FHIT: variants seen among roughly 807,000 people sequenced by gnomAD.
FHIT encodes the protein bis(5'-adenosyl)-triphosphatase.
In FHIT, 19 loss-of-function variants were observed where a neutral mutation model predicts 17.9. The observed-to-expected ratio is 1.06, with a 90% CI of 0.74 to 1.56. The LOEUF is 1.56. Among genes scored for constraint, FHIT ranks in the 40% most tolerant of loss-of-function variants. FHIT has a pLI of 0.00. For missense variants in FHIT, 248 were observed against 189.2 expected, an observed-to-expected ratio of 1.31 and a Z score of -1.82; for synonymous variants, 81 against 69.7, an observed-to-expected ratio of 1.16 and a Z score of -0.81.
At chr3:60,995,314 T>C (rs1281747258) in intron 3 of FHIT, among the ~76,000 whole-genome samples, 2 of 151,130 alleles carry the variant, frequency 1.3e-5, no homozygotes, top group Non-Finnish European at 1.5e-5. Context: ...AGCGAGACTC[T>C]GTCTCAAAAT....
intron 7 of FHIT, among the ~76,000 whole-genome samples, chr3:59,953,072 G>T (rs181602902): frequency 2.6e-5 from 4 of 151,926 alleles, no homozygotes; most frequent in Admixed American, 2.0e-4. Context: ...GTCCCCTAGC[G>T]TATGTTGTGT....
intron 1 of FHIT, among the ~76,000 whole-genome samples, chr3:61,219,881 T>C (rs1448789051): frequency 1.3e-5 from 2 of 152,294 alleles, no homozygotes; most frequent in South Asian, 2.1e-4. Context: ...TTCCGAAATA[T>C]AGAAACCTGC....
chr3:60,891,893 A>G (rs1553760789), intron 3 of FHIT, among the ~76,000 whole-genome samples: 1 of 152,214 alleles, frequency 6.6e-6, no homozygotes, highest in Non-Finnish European at 1.5e-5. Flanking sequence ...GGAAACTAAG[A>G]CATTAATGAG....
chr3:61,115,795 T>C lies in FHIT; in HGVS notation c.-163-73696A>G, dbSNP rs184291540. 1.5e-3 allele frequency among the ~76,000 whole-genome samples: 233 copies of C among 152,194 alleles called. 4 individuals are homozygous for C. In the South Asian group the frequency reaches 0.02, roughly 13 times the overall value. On this transcript the variant is annotated intron_variant, in intron 2 of 9. Coordinates refer to ENST00000492590, the MANE Select transcript of FHIT (RefSeq NM_002012.4). ...GGCCATTGCAGCTTGTAGGAAAGTATAGGGCCTGGGAAGAAGAGTATTGAA... is the reference window on the plus strand; with the variant it reads ...GGCCATTGCAGCTTGTAGGAAAGTACAGGGCCTGGGAAGAAGAGTATTGAA...
chr3:60,409,418 T>C (rs2107219712), intron 5 of FHIT, among the ~76,000 whole-genome samples: 1 of 152,342 alleles, frequency 6.6e-6, no homozygotes, highest in Non-Finnish European at 1.5e-5. Context: ...TAGGCATCAT[T>C]TGGTTTACCA....
At chr3:60,726,163 C>T (rs1326651013) in intron 4 of FHIT, among the ~76,000 whole-genome samples, 8 of 152,092 alleles carry the variant, frequency 5.3e-5, no homozygotes, top group Admixed American at 5.2e-4. Context: ...ATTGGTCTCC[C>T]CTTCTAACTC....
Position 60,715,930 on chromosome 3 carries a change from C to A in FHIT, c.-18+105989G>T, listed in dbSNP as rs1159851683. Among the ~76,000 whole-genome samples the A allele has an allele frequency of 3.3e-5, 5 of 152,064 alleles. No individual in the cohort carries two copies. The South Asian group carries it at 8.3e-4, about 25-fold the overall frequency. On this transcript the variant is annotated intron_variant, in intron 4 of 9. Coordinates refer to ENST00000492590, the MANE Select transcript of FHIT (RefSeq NM_002012.4). Reference sequence around the variant, plus strand: ...GGATCACCAGGAGTCTGTGAAGCACCCTTTGAGCATTGTGGTTCTAGATTC... The same window carrying A: ...GGATCACCAGGAGTCTGTGAAGCACACTTTGAGCATTGTGGTTCTAGATTC...
chr3:60,927,914 T>C (rs1428536731), intron 3 of FHIT, among the ~76,000 whole-genome samples: 1 of 152,244 alleles, frequency 6.6e-6, no homozygotes, highest in Non-Finnish European at 1.5e-5. Context: ...TGTTACTGTG[T>C]CTGTGTAGAA....
chr3:61,036,942 C>T (rs988801892), intron 3 of FHIT, among the ~76,000 whole-genome samples: 7 of 138,948 alleles, frequency 5.0e-5, no homozygotes, highest in South Asian at 4.7e-4. Flanking sequence ...GATGGAGTCT[C>T]GCTCTTTCGC....
At chr3:60,077,344 T>C (rs1186284767) in intron 5 of FHIT, 3 of 151,928 alleles carry the variant, frequency 2.0e-5, no homozygotes, top group Non-Finnish European at 2.9e-5. Flanking sequence ...GCTGAAGCAA[T>C]GATACCCCAC....
At chr3:60,421,996 G>C (rs1264168011) in intron 5 of FHIT, among the ~76,000 whole-genome samples, 1 of 152,130 alleles carries the variant, frequency 6.6e-6, no homozygotes, top group African/African-American at 2.4e-5. Context: ...TTTTTAGAGG[G>C]TGAGCTAAAA....
At chr3:60,551,338 C>A (rs1472606412) in intron 4 of FHIT, among the ~76,000 whole-genome samples, 1 of 147,880 alleles carries the variant, frequency 6.8e-6, no homozygotes, top group African/African-American at 2.5e-5. Flanking sequence ...CATTAAAAAT[C>A]ATCTCAGGAC....
intron 5 of FHIT, among the ~76,000 whole-genome samples, chr3:60,089,631 C>T (rs942031948): frequency 2.0e-5 from 3 of 152,172 alleles, no homozygotes; most frequent in African/African-American, 7.2e-5. Context: ...CACTGTCTTA[C>T]ACCATTAGCG....
At chr3:60,441,278 T>G (rs1025329202) in intron 5 of FHIT, among the ~76,000 whole-genome samples, 2 of 152,082 alleles carry the variant, frequency 1.3e-5, no homozygotes, top group Non-Finnish European at 2.9e-5. Flanking sequence ...ACCAGTAAGT[T>G]TGACCATGTC....
At chr3:60,362,878 C>T (rs953587676) in intron 5 of FHIT, among the ~76,000 whole-genome samples, 23 of 152,210 alleles carry the variant, frequency 1.5e-4, no homozygotes, top group Admixed American at 7.9e-4. Flanking sequence ...CAAAAAGGCC[C>T]GTGTCAGAGA....
At chr3:60,035,138 G>A (rs903625615) in intron 5 of FHIT, among the ~76,000 whole-genome samples, 1 of 152,262 alleles carries the variant, frequency 6.6e-6, no homozygotes, top group Middle Eastern at 3.4e-3. Flanking sequence ...CAGTAAAAAT[G>A]AGCTTAGCGA....
chr3:60,573,397 C>G (rs1034934265), intron 4 of FHIT, among the ~76,000 whole-genome samples: 6 of 152,166 alleles, frequency 3.9e-5, no homozygotes, highest in African/African-American at 7.2e-5. Context: ...GTCCCCTCCT[C>G]CTGTATTCTT....
chr3:60,047,598 G>A (rs1165101681), intron 5 of FHIT, among the ~76,000 whole-genome samples: 1 of 152,158 alleles, frequency 6.6e-6, no homozygotes, highest in Non-Finnish European at 1.5e-5. Context: ...GGTTCCTCAG[G>A]TGCATTAGGC....
At chr3:61,116,161 G>A (rs932661931) in intron 2 of FHIT, among the ~76,000 whole-genome samples, 1 of 151,790 alleles carries the variant, frequency 6.6e-6, no homozygotes, top group Non-Finnish European at 1.5e-5. Context: ...AATGACAAAA[G>A]CAAATGATCC....
Sources: allele counts gnomAD v4.1 joint callset (sites outside exome capture counted in the v4.1 genomes callset), GRCh38; gene constraint gnomAD v4.1.1; transcripts MANE v1.5; gene names NCBI Gene and HGNC (gene_info 2026-07-23, HGNC 2026-07-21).